ACTR3C: variants seen among roughly 807,000 people sequenced by gnomAD.
The protein encoded by ACTR3C is actin-related protein 3C.
Under a neutral mutation model 26.3 loss-of-function variants are expected in ACTR3C, and 18 were observed. That is an observed-to-expected ratio of 0.68 (90% CI 0.47 to 1.01). The LOEUF is 1.01. ACTR3C is among the 50% of genes least tolerant of loss of function. ACTR3C has a pLI of 0.00. For missense variants in ACTR3C, 184 were observed against 250.7 expected (o/e 0.73, Z 1.80); for synonymous variants, 55 against 94.5 (o/e 0.58, Z 2.42).
At chr7:150,030,520 T>C in the ACTR3C span, among the ~76,000 whole-genome samples, 1 of 152,288 alleles carries the variant, frequency 6.6e-6, no homozygotes, top group South Asian at 2.1e-4. Flanking sequence ...AGCATTTCTG[T>C]ATCCCATGGT....
chr7:150,033,837 G>A, the ACTR3C span, among the ~76,000 whole-genome samples: 44 of 148,742 alleles, frequency 3.0e-4, no homozygotes, highest in South Asian at 3.0e-3. Flanking sequence ...TGCCTCGTGG[G>A]GGGTGCCTCC....
At chr7:150,135,545 A>G in the ACTR3C span, among the ~76,000 whole-genome samples, 4 of 152,344 alleles carry the variant, frequency 2.6e-5, no homozygotes, top group Admixed American at 2.0e-4. Flanking sequence ...TCTAGACTGC[A>G]AACTGGCAAC....
At chr7:150,022,129 T>G in the ACTR3C span, among the ~76,000 whole-genome samples, 3 of 151,950 alleles carry the variant, frequency 2.0e-5, no homozygotes, top group Non-Finnish European at 4.4e-5. Flanking sequence ...TGCCAACATC[T>G]ATTATTTTTT....
the ACTR3C span, among the ~76,000 whole-genome samples, chr7:150,164,763 AT>A: frequency 2.0e-5 from 3 of 152,084 alleles, no homozygotes; most frequent in Non-Finnish European, 4.4e-5. Flanking sequence ...CATCTCTCAA[AT>A]TTCTGGAATA....
At chr7:149,992,370 C>A in the ACTR3C span, among the ~76,000 whole-genome samples, 1 of 152,208 alleles carries the variant, frequency 6.6e-6, no homozygotes, top group African/African-American at 2.4e-5. Context: ...GGGCACTGGC[C>A]CGACTTTGAC....
chr7:149,969,255 A>C, the ACTR3C span, among the ~76,000 whole-genome samples: 1 of 137,222 alleles, frequency 7.3e-6, no homozygotes, highest in East Asian at 2.2e-4. Context: ...ATTCCTTCCC[A>C]TCCTCAGAAA....
chr7:150,094,416 A>T, the ACTR3C span, among the ~76,000 whole-genome samples: 1 of 149,854 alleles, frequency 6.7e-6, no homozygotes, highest in Non-Finnish European at 1.5e-5. Flanking sequence ...CCCACCAAGC[A>T]CCAAGGGAAA....
chr7:150,042,123 G>A, the ACTR3C span, among the ~76,000 whole-genome samples: 4 of 76,680 alleles, frequency 5.2e-5, no homozygotes, highest in African/African-American at 1.6e-4. Flanking sequence ...CTCTGCGATG[G>A]GGGTCCTAAG....
the ACTR3C span, among the ~76,000 whole-genome samples, chr7:150,141,598 G>A: frequency 4.5e-4 from 69 of 152,060 alleles, 1 homozygote; most frequent in Middle Eastern, 3.4e-3. Flanking sequence ...AGCATCGGAT[G>A]GGAACGGAGA....
chr7:150,148,965 G>A, the ACTR3C span, among the ~76,000 whole-genome samples: 2 of 133,744 alleles, frequency 1.5e-5, no homozygotes, highest in East Asian at 1.9e-4. Flanking sequence ...AGCCACTGCC[G>A]CTGTCTCCAG....
chr7:149,981,208 T>A, the ACTR3C span, among the ~76,000 whole-genome samples: 3 of 152,070 alleles, frequency 2.0e-5, no homozygotes, highest in Non-Finnish European at 2.9e-5. Flanking sequence ...CCGCAACAAG[T>A]ACAAGTGTCA....
chr7:150,095,623 CTT>C, the ACTR3C span, among the ~76,000 whole-genome samples: 8 of 138,258 alleles, frequency 5.8e-5, no homozygotes, highest in East Asian at 2.0e-4. Flanking sequence ...AAGTCCTATG[CTT>C]TTTTTTTTTT....
chr7:149,956,415 T>C, the ACTR3C span, among the ~76,000 whole-genome samples: 49 of 151,910 alleles, frequency 3.2e-4, no homozygotes, highest in Non-Finnish European at 5.3e-4. Context: ...AAAAAGTAAA[T>C]AAACAAACAA....
the ACTR3C span, among the ~76,000 whole-genome samples, chr7:150,036,740 C>T: frequency 5.1e-5 from 7 of 138,226 alleles, 2 homozygotes; most frequent in Non-Finnish European, 1.2e-4. Flanking sequence ...CCCGTCGGAT[C>T]GTAAATCCCA....
the ACTR3C span, among the ~76,000 whole-genome samples, chr7:150,190,075 T>C: frequency 6.6e-6 from 1 of 152,214 alleles, no homozygotes; most frequent in Non-Finnish European, 1.5e-5. Flanking sequence ...AGCTTGTTGT[T>C]TTGTTGTTGT....
At chr7:150,183,785 C>T in the ACTR3C span, among the ~76,000 whole-genome samples, 1 of 149,550 alleles carries the variant, frequency 6.7e-6, no homozygotes, top group African/African-American at 2.5e-5. Context: ...TGTGTCCCCA[C>T]CCAAATCTCA....
the ACTR3C span, among the ~76,000 whole-genome samples, chr7:150,031,726 G>C: frequency 6.6e-6 from 1 of 152,092 alleles, no homozygotes; most frequent in African/African-American, 2.4e-5. Flanking sequence ...TTCTGCTCTC[G>C]GGGGTGGGGG....
chr7:150,003,510 G>A, the ACTR3C span, among the ~76,000 whole-genome samples: 4 of 151,526 alleles, frequency 2.6e-5, no homozygotes, highest in Non-Finnish European at 4.4e-5. Flanking sequence ...TGTGGCATGC[G>A]GTGTGGTATG....
chr7:150,069,421 C>A, the ACTR3C span, among the ~76,000 whole-genome samples: 2 of 152,030 alleles, frequency 1.3e-5, no homozygotes, highest in Admixed American at 1.3e-4. Context: ...AACACAGAAG[C>A]CTTGTTTGCA....
Sources: allele counts gnomAD v4.1 joint callset (sites outside exome capture counted in the v4.1 genomes callset), GRCh38; gene constraint gnomAD v4.1.1; transcripts MANE v1.5; gene names NCBI Gene and HGNC (gene_info 2026-07-23, HGNC 2026-07-21).